Variants in MRPL1 observed in about 807,000 individuals in gnomAD.
MRPL1 encodes large ribosomal subunit protein uL1m.
A neutral mutation model predicts 38.0 loss-of-function variants in MRPL1; 28 were observed. That is an observed-to-expected ratio of 0.74 (90% CI 0.55 to 1.01). The LOEUF is 1.01. MRPL1 is among the 50% of genes least tolerant of loss of function. MRPL1 has a pLI of 0.00. For synonymous variants in MRPL1, 123 were observed against 126.7 expected, an observed-to-expected ratio of 0.97 and a Z score of 0.20; for missense variants, 358 against 389.8, an observed-to-expected ratio of 0.92 and a Z score of 0.69.
At chr4:77,866,550 C>A (rs993639043) in intron 1 of MRPL1, among the ~76,000 whole-genome samples, 12 of 152,080 alleles carry the variant, frequency 7.9e-5, no homozygotes, top group Non-Finnish European at 2.9e-5. Context: ...CCTACCCCCG[C>A]CTCACCCAGC....
At chr4:77,947,014 A>C (rs1292929286) in intron 7 of MRPL1, among the ~76,000 whole-genome samples, 1 of 145,856 alleles carries the variant, frequency 6.9e-6, no homozygotes, top group Non-Finnish European at 1.5e-5. Context: ...AATGGGACAA[A>C]AAAAAAAAAA....
chr4:77,945,078 ACT>A (rs954758575), intron 7 of MRPL1, among the ~76,000 whole-genome samples: 126 of 151,604 alleles, frequency 8.3e-4, no homozygotes, highest in African/African-American at 2.8e-3. Context: ...CTATGTGAAC[ACT>A]CAGAGTTTGG....
intron 7 of MRPL1, among the ~76,000 whole-genome samples, chr4:77,928,806 A>G (rs1736779730): frequency 6.6e-6 from 1 of 152,164 alleles, no homozygotes; most frequent in Non-Finnish European, 1.5e-5. Context: ...TTGATCAAAA[A>G]TAATTTATTA....
chr4:77,897,350 C>T (rs1050602274), intron 6 of MRPL1, among the ~76,000 whole-genome samples: 3 of 152,028 alleles, frequency 2.0e-5, no homozygotes, highest in African/African-American at 7.2e-5. Context: ...GGATTACAGG[C>T]GTGAACCACT....
intron 5 of MRPL1, among the ~76,000 whole-genome samples, chr4:77,889,168 C>A (rs922110440): frequency 2.0e-5 from 3 of 152,234 alleles, no homozygotes; most frequent in Non-Finnish European, 2.9e-5. Context: ...CCCAAATCAA[C>A]AGAATATGCG....
At chr4:77,901,720 G>A (rs1736039410) in intron 6 of MRPL1, among the ~76,000 whole-genome samples, 2 of 152,196 alleles carry the variant, frequency 1.3e-5, no homozygotes, top group Non-Finnish European at 2.9e-5. Flanking sequence ...AAACCTGACA[G>A]AATTGAAAGG....
chr4:77,911,843 C>A (rs1181759033), intron 7 of MRPL1, among the ~76,000 whole-genome samples: 3 of 152,038 alleles, frequency 2.0e-5, no homozygotes, highest in Admixed American at 2.0e-4. Flanking sequence ...CAATTGCAAA[C>A]TAAATTTTAG....
At chr4:77,942,171 T>A (rs147023116) in intron 7 of MRPL1, among the ~76,000 whole-genome samples, 21 of 152,292 alleles carry the variant, frequency 1.4e-4, no homozygotes, top group African/African-American at 5.1e-4. Flanking sequence ...TTTCTACGGT[T>A]TTGAGGGTTC....
chr4:77,931,017 A>T (rs1736832992), intron 7 of MRPL1, among the ~76,000 whole-genome samples: 1 of 152,236 alleles, frequency 6.6e-6, no homozygotes, highest in African/African-American at 2.4e-5. Flanking sequence ...TACCAAGAGC[A>T]AGATTCCTTC....
At chr4:77,906,570 C>A (rs1736163236) in intron 6 of MRPL1, among the ~76,000 whole-genome samples, 1 of 151,932 alleles carries the variant, frequency 6.6e-6, no homozygotes, top group Non-Finnish European at 1.5e-5. Context: ...AGAAGTGGGG[C>A]TGAGCACAGA....
chr4:77,888,989 T>G (rs891641222), intron 5 of MRPL1, among the ~76,000 whole-genome samples: 1 of 152,104 alleles, frequency 6.6e-6, no homozygotes, highest in Non-Finnish European at 1.5e-5. Context: ...AGCAAGTCCT[T>G]AGAGACCTAG....
intron 1 of MRPL1, among the ~76,000 whole-genome samples, chr4:77,868,978 C>G (rs1171860444): frequency 6.6e-6 from 1 of 152,152 alleles, no homozygotes; most frequent in Non-Finnish European, 1.5e-5. Context: ...ATCCCTCTTA[C>G]TAATATAGGT....
chr4:77,883,373 AC>A lies in MRPL1; in HGVS notation c.278del (p.Pro93ArgfsTer33). The A allele has an allele frequency of 6.2e-7, 1 of 1,614,010 alleles. No homozygotes were observed. Among genetic ancestry groups the A allele is most frequent in the Non-Finnish European group, 8.5e-7 (1 of 1,179,968 alleles). Reference protein sequence around the residue: ...PEDDVYLKRLYPRQIYEVEKA... With the variant: ...PEDDVYLKRLXPRQIYEVEKA... ...GATGATGTCTATTTAAAACGCTTAT[AC>A]CCGAGACAGATATATGAGGTGGAGA... On this transcript the variant is annotated frameshift_variant, in exon 3 of 9. Coordinates refer to ENST00000315567, the MANE Select transcript of MRPL1 (RefSeq NM_020236.4). LOFTEE classifies it high-confidence loss of function.
At chr4:77,916,548 AT>A (rs555962699) in intron 7 of MRPL1, among the ~76,000 whole-genome samples, 53 of 152,314 alleles carry the variant, frequency 3.5e-4, no homozygotes, top group African/African-American at 1.2e-3. Flanking sequence ...TATAAAATTC[AT>A]TTAATTATAT....
chr4:77,951,661 T>C (rs1737412017), intron 8 of MRPL1, among the ~76,000 whole-genome samples: 1 of 152,214 alleles, frequency 6.6e-6, no homozygotes, highest in Non-Finnish European at 1.5e-5. Context: ...AAAAAATAGA[T>C]TCCTGGCCAG....
chr4:77,886,676 T>C (rs1259919217), intron 4 of MRPL1, among the ~76,000 whole-genome samples: 1 of 152,004 alleles, frequency 6.6e-6, no homozygotes, highest in Non-Finnish European at 1.5e-5. Flanking sequence ...ATCGGGGATC[T>C]CACTTTGTTG....
intron 2 of MRPL1, among the ~76,000 whole-genome samples, chr4:77,879,092 T>C (rs1207123756): frequency 6.6e-6 from 1 of 152,208 alleles, no homozygotes; most frequent in Non-Finnish European, 1.5e-5. Context: ...CCCAAAAATC[T>C]TTCTAGTATG....
intron 6 of MRPL1, among the ~76,000 whole-genome samples, chr4:77,899,710 T>C (rs1340630702): frequency 6.6e-6 from 1 of 152,090 alleles, no homozygotes; most frequent in Non-Finnish European, 1.5e-5. Context: ...AAATACTTGA[T>C]CGTATAGTAT....
At chr4:77,903,548 G>C (rs373058903) in intron 6 of MRPL1, among the ~76,000 whole-genome samples, 3 of 152,140 alleles carry the variant, frequency 2.0e-5, no homozygotes, top group African/African-American at 7.2e-5. Flanking sequence ...ATGATACTAA[G>C]CTATTTTAGT....
Sources: gnomAD v4.1 joint callset for allele counts (sites outside exome capture counted in the v4.1 genomes callset) on GRCh38, gnomAD v4.1.1 for gene constraint, MANE v1.5 for transcripts, NCBI Gene and HGNC (gene_info 2026-07-23, HGNC 2026-07-21) for gene names.